SLC39A12: variants seen among roughly 807,000 people sequenced by gnomAD.
SLC39A12 encodes the protein zinc transporter ZIP12.
In SLC39A12, 63 loss-of-function variants were observed where a neutral mutation model predicts 71.1. The ratio of observed to expected loss-of-function variants is 0.89; its 90% CI spans 0.72 to 1.09. The LOEUF is 1.09. SLC39A12 is among the 50% of genes least tolerant of loss of function. The pLI, the probability that SLC39A12 is intolerant of heterozygous loss-of-function variation, is 0.00. For missense variants in SLC39A12, 892 were observed against 812.6 expected (o/e 1.10, Z -1.19); for synonymous variants, 351 against 301.3 (o/e 1.16, Z -1.71).
intron 11 of SLC39A12, among the ~76,000 whole-genome samples, chr10:18,001,383 C>T (rs530571585): frequency 6.6e-6 from 1 of 152,026 alleles, no homozygotes; most frequent in East Asian, 1.9e-4. Flanking sequence ...GTGTGGTGGC[C>T]CAGGCCTGTA....
intron 12 of SLC39A12, among the ~76,000 whole-genome samples, chr10:18,040,180 A>G (rs991457684): frequency 2.0e-5 from 3 of 152,194 alleles, no homozygotes; most frequent in African/African-American, 7.2e-5. Flanking sequence ...TCCACATTCC[A>G]TAGATTTTCC....
intron 3 of SLC39A12, among the ~76,000 whole-genome samples, chr10:17,964,395 C>T (rs936403710): frequency 6.6e-6 from 1 of 152,190 alleles, no homozygotes; most frequent in African/African-American, 2.4e-5. Flanking sequence ...TCAATGGGCA[C>T]TTTTTCTCCT....
intron 12 of SLC39A12, among the ~76,000 whole-genome samples, chr10:18,003,813 AC>A (rs1212786415): frequency 6.6e-6 from 1 of 152,256 alleles, no homozygotes; most frequent in African/African-American, 2.4e-5. Context: ...TTTTATTTAT[AC>A]AATGGAAAAT....
chr10:17,977,830 A>G (rs1835148252), intron 4 of SLC39A12, 72 bp from the exon 5 acceptor site: 1 of 1,102,732 alleles, frequency 9.1e-7, no homozygotes, highest in Admixed American at 2.8e-5. Context: ...TCTATGCTGT[A>G]GCTATGTGAA....
At chr10:17,987,414 C>A in intron 6 of SLC39A12, 65 bp from the exon 7 acceptor site, 2 of 1,498,192 alleles carry the variant, frequency 1.3e-6, no homozygotes, top group Non-Finnish European at 1.8e-6. Flanking sequence ...CTGGCATTTT[C>A]GCCAGCTGAG....
At chr10:17,994,553 C>T (rs897044100) in intron 9 of SLC39A12, among the ~76,000 whole-genome samples, 1 of 152,044 alleles carries the variant, frequency 6.6e-6, no homozygotes, top group Non-Finnish European at 1.5e-5. Flanking sequence ...TATCTGAATT[C>T]TGTATTTTCA....
intron 12 of SLC39A12, among the ~76,000 whole-genome samples, chr10:18,036,000 C>A (rs1418848610): frequency 6.6e-6 from 1 of 152,204 alleles, no homozygotes; most frequent in Non-Finnish European, 1.5e-5. Flanking sequence ...AGGCAGTCTG[C>A]CGGTTCTCAG....
chr10:18,036,787 TA>T (rs1189091122), intron 12 of SLC39A12, among the ~76,000 whole-genome samples: 481 of 12,604 alleles, frequency 0.038, 34 homozygotes, highest in South Asian at 0.087. Context: ...TATATATATA[TA>T]TATATATTTT....
At chr10:17,956,655 C>T (rs1300270879) in intron 2 of SLC39A12, among the ~76,000 whole-genome samples, 9 of 152,224 alleles carry the variant, frequency 5.9e-5, no homozygotes, top group African/African-American at 2.2e-4. Context: ...CTCCCCTCCA[C>T]TGTCCTTGAT....
In SLC39A12 at chr10:18,003,105, C is replaced by T. The variant is rs145228988; in HGVS notation, c.1760-66C>T. The stretch of plus-strand genomic sequence containing the variant: ...CTGACATTCGAAATAGCTAATAGTG[C>T]GTTACTTTAGCAAAGGCGTCTTCCA... On this transcript the variant is annotated intron_variant, in intron 11 of 12. Transcript: ENST00000377369. The T allele has an allele frequency of 4.7e-4, 681 of 1,453,416 alleles. 1 individual carries two copies. The highest frequency in any genetic ancestry group is 5.8e-4 in the Non-Finnish European group (616 of 1,060,124). 90.0% of individuals were successfully genotyped at this position (1,453,416 alleles called of 1,614,324 possible).
intron 12 of SLC39A12, 81 bp from the exon 13 acceptor site, chr10:18,042,624 G>A (rs1485815409): frequency 2.8e-6 from 4 of 1,404,522 alleles, no homozygotes; most frequent in African/African-American, 2.9e-5. Context: ...CTGAATAACA[G>A]TCGCTCATGT....
Position 18,003,159 on chromosome 10 carries a change from C to T in SLC39A12, c.1760-12C>T, listed in dbSNP as rs776202133. The T allele has an allele frequency of 4.4e-6, 7 of 1,608,822 alleles. No individual in the cohort carries two copies. The highest frequency in any genetic ancestry group is 5.9e-6 in the Non-Finnish European group (7 of 1,178,272). ...AATGATAATTATATTTTCCTTTCCT[C>T]TTAAACTTCAGGAGACTTTGCCGTG... On this transcript the variant is annotated splice_polypyrimidine_tract_variant and intron_variant, in intron 11 of 12. Transcript: ENST00000377369.
chr10:17,952,491 C>CTTTTTTTTT (rs11288880), intron 1 of SLC39A12, among the ~76,000 whole-genome samples: 1 of 128,556 alleles, frequency 7.8e-6, no homozygotes. Context: ...TTTCTTTTTT[C>CTTTTTTTTT]TTTTTTTTTT....
rs72778328 is a variant in SLC39A12, at chr10:17,981,412, A to G, written c.1025A>G (p.Gln342Arg). The change falls in exon 6 of 13, where the codon CAG becomes CGG. Residue 342 changes from glutamine to arginine, a missense_variant. Coordinates refer to ENST00000377369, the MANE Select transcript of SLC39A12 (RefSeq NM_001145195.2). ...AAGCAAATGAGTCCAGGGATCATCC[A>G]GCAGCTCCTCAGCTGCTCCTGCCAC... Reference protein sequence around the residue: ...DFKQMSPGIIQQLLSCSCHLP... With the variant: ...DFKQMSPGIIRQLLSCSCHLP... 0.025 allele frequency: 39,844 copies of G among 1,613,928 alleles called. 600 individuals are homozygous for G. Among genetic ancestry groups the G allele is most frequent in the South Asian group, 0.032 (2,957 of 91,042 alleles).
chr10:18,040,530 G>A (rs886418305), intron 12 of SLC39A12, among the ~76,000 whole-genome samples: 2 of 152,124 alleles, frequency 1.3e-5, no homozygotes, highest in Admixed American at 1.3e-4. Context: ...AGCACTTTAG[G>A]AGGCCAAGGC....
intron 4 of SLC39A12, among the ~76,000 whole-genome samples, chr10:17,966,442 C>A (rs1203258043): frequency 6.6e-6 from 1 of 151,970 alleles, no homozygotes; most frequent in African/African-American, 2.4e-5. Context: ...TCCTGAGTAG[C>A]TGAAACTACA....
intron 12 of SLC39A12, among the ~76,000 whole-genome samples, chr10:18,032,601 A>G (rs1270468664): frequency 6.7e-6 from 1 of 148,672 alleles, no homozygotes; most frequent in East Asian, 2.0e-4. Context: ...GCAAACAGGG[A>G]CAATTTGACT....
At chr10:17,961,920 T>G in intron 3 of SLC39A12, 58 bp downstream of exon 3, 1 of 1,501,162 alleles carries the variant, frequency 6.7e-7, no homozygotes, top group Non-Finnish European at 9.0e-7. Flanking sequence ...TAGAGCCTTA[T>G]TGTTTGTTCC....
chr10:17,952,397 AAACT>A (rs1834423376), intron 1 of SLC39A12, among the ~76,000 whole-genome samples: 1 of 152,124 alleles, frequency 6.6e-6, no homozygotes, highest in African/African-American at 2.4e-5. Flanking sequence ...GATTCTTAGT[AAACT>A]AAAAAAAAGA....
Sources: allele counts gnomAD v4.1 joint callset (sites outside exome capture counted in the v4.1 genomes callset), GRCh38; gene constraint gnomAD v4.1.1; transcripts MANE v1.5; gene names NCBI Gene and HGNC (gene_info 2026-07-23, HGNC 2026-07-21).